Variants in SNX18 observed in about 807,000 individuals in gnomAD.
The protein encoded by SNX18 is sorting nexin 18.
A neutral mutation model predicts 48.7 loss-of-function variants in SNX18; 35 were observed. The ratio of observed to expected loss-of-function variants is 0.72; its 90% CI spans 0.55 to 0.95. The LOEUF (loss-of-function observed/expected upper bound fraction) is 0.95, where lower values mean the gene tolerates loss of function less well. Ranked by LOEUF, SNX18 falls within the 40% of genes least tolerant of loss-of-function variation. SNX18 has a pLI of 0.00. For missense variants in SNX18, 824 were observed against 871.0 expected (o/e 0.95, Z 0.68); for synonymous variants, 492 against 384.7 (o/e 1.28, Z -3.26).
At chr5:54,603,458 G>T in the SNX18 span, among the ~76,000 whole-genome samples, 1 of 152,038 alleles carries the variant, frequency 6.6e-6, no homozygotes, top group Non-Finnish European at 1.5e-5. Flanking sequence ...AGGCTTGAGA[G>T]ATTTGAACTT....
chr5:54,538,509 A>G (rs987591545), intron 1 of SNX18, among the ~76,000 whole-genome samples: 2 of 152,222 alleles, frequency 1.3e-5, no homozygotes, highest in African/African-American at 4.8e-5. Context: ...CCGTTTTCAT[A>G]GGGAGGAAAG....
the SNX18 span, among the ~76,000 whole-genome samples, chr5:54,572,872 C>A: frequency 2.4e-3 from 335 of 141,648 alleles, 2 homozygotes; most frequent in African/African-American, 8.1e-3. Context: ...CGGCTCACTG[C>A]AACCTCCGCC....
the SNX18 span, among the ~76,000 whole-genome samples, chr5:54,609,900 T>A: frequency 6.6e-6 from 1 of 152,080 alleles, no homozygotes; most frequent in Admixed American, 6.6e-5. Context: ...TTTAGCATCA[T>A]CTGCTTGGTA....
chr5:54,622,943 G>A, the SNX18 span, among the ~76,000 whole-genome samples: 1 of 152,160 alleles, frequency 6.6e-6, no homozygotes, highest in African/African-American at 2.4e-5. Flanking sequence ...AAGCAGAAAA[G>A]AATAAATATC....
chr5:54,645,959 G>A, the SNX18 span: 2 of 152,098 alleles, frequency 1.3e-5, no homozygotes, highest in African/African-American at 2.4e-5. Context: ...ATATTCCTCA[G>A]TTTTCTGTAT....
the SNX18 span, among the ~76,000 whole-genome samples, chr5:54,640,547 T>C: frequency 8.7e-3 from 1,320 of 152,306 alleles, 12 homozygotes; most frequent in African/African-American, 0.03. Context: ...TCTTACGCTC[T>C]GGCCTACAAG....
At chr5:54,528,575 G>A (rs193188256) in intron 1 of SNX18, among the ~76,000 whole-genome samples, 75 of 152,260 alleles carry the variant, frequency 4.9e-4, no homozygotes, top group Non-Finnish European at 8.1e-4. Context: ...TTTAGGATAG[G>A]TTTGATAAGC....
chr5:54,533,214 T>A (rs1762283907), intron 1 of SNX18, among the ~76,000 whole-genome samples: 1 of 152,246 alleles, frequency 6.6e-6, no homozygotes, highest in Non-Finnish European at 1.5e-5. Flanking sequence ...AATTAAAAAG[T>A]GAATTTTAAA....
rs1431576142 is a variant in SNX18, at chr5:54,544,912, C to T, written c.*1480C>T. 1.3e-5 allele frequency: 2 copies of T among 152,022 alleles called. No individual in the cohort carries two copies. The highest frequency in any genetic ancestry group is 2.9e-5 in the Non-Finnish European group (2 of 67,990). The allele number at this position is 152,022 out of a possible 1,614,324, so 9.4% of individuals were successfully genotyped here. ...CAAACTTATGCTGCCTCAGAAATCC[C>T]TGGGTACTGAAATGGTAACATGGAA... On this transcript the variant is annotated 3_prime_UTR_variant, in exon 2 of 2. Coordinates refer to ENST00000381410, the MANE Select transcript of SNX18 (RefSeq NM_001102575.2).
At chr5:54,608,529 C>G in the SNX18 span, among the ~76,000 whole-genome samples, 1 of 152,166 alleles carries the variant, frequency 6.6e-6, no homozygotes. Context: ...AGGCACCACA[C>G]CCAGCCGCCA....
the SNX18 span, among the ~76,000 whole-genome samples, chr5:54,588,303 A>ATTTTTTTTT: frequency 2.0e-5 from 2 of 100,392 alleles, no homozygotes; most frequent in Admixed American, 1.0e-4. Context: ...TGTTATTTCT[A>ATTTTTTTTT]TTCTTTTTTT....
the SNX18 span, among the ~76,000 whole-genome samples, chr5:54,647,721 A>T: frequency 1.1e-4 from 16 of 152,322 alleles, no homozygotes; most frequent in African/African-American, 3.8e-4. Context: ...CAGCAAATTG[A>T]ACAGCAGGGG....
chr5:54,523,714 G>T (rs1259520161), intron 1 of SNX18, among the ~76,000 whole-genome samples: 1 of 152,168 alleles, frequency 6.6e-6, no homozygotes, highest in Non-Finnish European at 1.5e-5. Flanking sequence ...CTCAGGAATG[G>T]TATACCAGTA....
At chr5:54,611,454 G>A in the SNX18 span, among the ~76,000 whole-genome samples, 1 of 152,112 alleles carries the variant, frequency 6.6e-6, no homozygotes, top group Admixed American at 6.5e-5. Context: ...TCCCAGGGTA[G>A]TCTGCTCTCT....
chr5:54,574,483 T>C, the SNX18 span, among the ~76,000 whole-genome samples: 18 of 152,272 alleles, frequency 1.2e-4, no homozygotes, highest in African/African-American at 4.3e-4. Flanking sequence ...GAATCACTAT[T>C]ATTGGCAAGG....
At chr5:54,534,578 T>C (rs1477486850) in intron 1 of SNX18, among the ~76,000 whole-genome samples, 1 of 152,046 alleles carries the variant, frequency 6.6e-6, no homozygotes, top group African/African-American at 2.4e-5. Context: ...TTCTTTCTTT[T>C]TTTTTCCCCC....
the SNX18 span, among the ~76,000 whole-genome samples, chr5:54,569,959 A>G: frequency 6.6e-6 from 1 of 152,214 alleles, no homozygotes; most frequent in East Asian, 1.9e-4. Context: ...TTTTATATAT[A>G]TAACATGGAC....
chr5:54,570,572 A>G, the SNX18 span, among the ~76,000 whole-genome samples: 1 of 152,170 alleles, frequency 6.6e-6, no homozygotes, highest in Non-Finnish European at 1.5e-5. Flanking sequence ...CTTATATTCT[A>G]TGCAATTAAG....
the SNX18 span, among the ~76,000 whole-genome samples, chr5:54,614,713 G>A: frequency 6.6e-6 from 1 of 152,116 alleles, no homozygotes; most frequent in Non-Finnish European, 1.5e-5. Context: ...ACTCACTCTG[G>A]AGGCTGAGGT....
Sources: gnomAD v4.1 joint callset for allele counts (sites outside exome capture counted in the v4.1 genomes callset) on GRCh38, gnomAD v4.1.1 for gene constraint, MANE v1.5 for transcripts, NCBI Gene and HGNC (gene_info 2026-07-23, HGNC 2026-07-21) for gene names.